Variants in WWOX observed in about 807,000 individuals in gnomAD.
The protein encoded by WWOX is WW domain-containing oxidoreductase.
Under a neutral mutation model 46.2 loss-of-function variants are expected in WWOX, and 69 were observed. The observed-to-expected ratio is 1.49, with a 90% CI of 1.23 to 1.82. The LOEUF is 1.82. Ranked by LOEUF, WWOX falls within the 40% of genes most tolerant of loss-of-function variation. The pLI is 0.00. For missense variants in WWOX, 919 were observed against 542.6 expected (o/e 1.69, Z -6.89); for synonymous variants, 359 against 202.6 (o/e 1.77, Z -6.56).
At chr16:79,140,310 A>C (rs149311728) in intron 8 of WWOX, among the ~76,000 whole-genome samples, 7 of 152,204 alleles carry the variant, frequency 4.6e-5, no homozygotes, top group Non-Finnish European at 1.0e-4. Flanking sequence ...GACTTGCTAC[A>C]TTCTTAGGCA....
At chr16:78,207,185 A>T (rs1416388894) in intron 5 of WWOX, among the ~76,000 whole-genome samples, 3 of 152,238 alleles carry the variant, frequency 2.0e-5, no homozygotes. Flanking sequence ...TGATGGTCTT[A>T]GTTACCCACA....
At chr16:78,849,435 C>G (rs982888203) in intron 8 of WWOX, among the ~76,000 whole-genome samples, 6 of 151,672 alleles carry the variant, frequency 4.0e-5, no homozygotes, top group East Asian at 2.0e-4. Context: ...TTAGCCAGGC[C>G]TGGTGGCGGG....
intron 5 of WWOX, among the ~76,000 whole-genome samples, chr16:78,164,733 G>C (rs950329251): frequency 6.6e-6 from 1 of 152,192 alleles, no homozygotes; most frequent in Non-Finnish European, 1.5e-5. Flanking sequence ...GCTTGCCTTA[G>C]TCTTGGGACC....
rs1055418166 is a variant in WWOX, at chr16:78,656,181, G to T, written c.1056+223429G>T. Reference sequence around the variant, plus strand: ...TTCTCATAACATTTGTGTGTGTGTGGGTGGGTGGGTGTGTGTGAAAGGTAG... The same window carrying T: ...TTCTCATAACATTTGTGTGTGTGTGTGTGGGTGGGTGTGTGTGAAAGGTAG... On this transcript the variant is annotated intron_variant, in intron 8 of 8. Coordinates refer to ENST00000566780, the MANE Select transcript of WWOX (RefSeq NM_016373.4). Among the ~76,000 whole-genome samples, 12 of 151,864 alleles carry T rather than the reference G, an allele frequency of 7.9e-5. No individual in the cohort carries two copies. The East Asian group carries it at 1.2e-3, about 15-fold the overall frequency.
intron 8 of WWOX, among the ~76,000 whole-genome samples, chr16:78,649,674 C>T (rs2046922550): frequency 6.6e-6 from 1 of 152,216 alleles, no homozygotes; most frequent in Non-Finnish European, 1.5e-5. Flanking sequence ...ACTCTGCCCC[C>T]TTTTGACCTC....
rs2045589062 is a variant in WWOX, at chr16:78,930,222, T to TTCCTTCCTTC, written c.1057-281386_1057-281385insTCCTTCCTTC. On this transcript the variant is annotated intron_variant, in intron 8 of 8. Coordinates refer to ENST00000566780, the MANE Select transcript of WWOX (RefSeq NM_016373.4). ...CTGGGGTGGATTATTTCAGGACCTT[T>TTCCTTCCTTC]CTTCCTTCCTTCCTTCCTTCCTTCC... 1.3e-4 allele frequency among the ~76,000 whole-genome samples: 14 copies of TTCCTTCCTTC among 104,998 alleles called. No homozygotes were observed. In the Middle Eastern group the frequency reaches 0.015, roughly 110 times the overall value. The allele number at this position is 104,998 out of a possible 152,430, so 68.9% of individuals were successfully genotyped here.
chr16:78,161,367 C>T (rs1012814955), intron 4 of WWOX, among the ~76,000 whole-genome samples: 3 of 151,730 alleles, frequency 2.0e-5, no homozygotes, highest in African/African-American at 7.3e-5. Context: ...TTCCTCTTTC[C>T]CTTATTTCTA....
chr16:78,153,306 C>T (rs1189942714), intron 4 of WWOX, among the ~76,000 whole-genome samples: 4 of 152,072 alleles, frequency 2.6e-5, no homozygotes, highest in African/African-American at 4.8e-5. Flanking sequence ...TCAAGATCAT[C>T]GTCAATGTCA....
At position 78,939,886 on chromosome 16, in the gene WWOX, T is replaced by C. The variant is rs374904064; in HGVS notation, c.1057-271722T>C. On this transcript the variant is annotated intron_variant, in intron 8 of 8. Transcript: ENST00000566780. Reference sequence around the variant, plus strand: ...GACGTGTGGACGTTGTTTTTGACATTTGTACATGCTTTTGCTCAAGTTGAA... The same window carrying C: ...GACGTGTGGACGTTGTTTTTGACATCTGTACATGCTTTTGCTCAAGTTGAA... Among the ~76,000 whole-genome samples, 171 of 152,322 alleles carry C rather than the reference T, an allele frequency of 1.1e-3. 6 individuals are homozygous for C. In the South Asian group the frequency reaches 0.034, roughly 31 times the overall value.
chr16:78,754,670 C>T (rs1005348995), intron 8 of WWOX, among the ~76,000 whole-genome samples: 2 of 152,108 alleles, frequency 1.3e-5, no homozygotes, highest in Non-Finnish European at 2.9e-5. Context: ...ACAGCCTTGA[C>T]ACAAATAAAG....
At chr16:78,995,589 AAGAG>A (rs939462411) in intron 8 of WWOX, among the ~76,000 whole-genome samples, 11 of 151,946 alleles carry the variant, frequency 7.2e-5, no homozygotes, top group African/African-American at 1.9e-4. Flanking sequence ...AAGAAAAAGA[AAGAG>A]AGAAAGAGAA....
chr16:78,361,180 C>T (rs999300242), intron 5 of WWOX, among the ~76,000 whole-genome samples: 11 of 152,014 alleles, frequency 7.2e-5, no homozygotes, highest in African/African-American at 2.4e-4. Context: ...ATCTTGAGAC[C>T]TTGATTTGTC....
intron 3 of WWOX, among the ~76,000 whole-genome samples, chr16:78,111,359 T>G (rs951399689): frequency 3.3e-5 from 5 of 152,194 alleles, no homozygotes; most frequent in Non-Finnish European, 1.5e-5. Flanking sequence ...TCATTAGCTT[T>G]TAATATTACT....
intron 8 of WWOX, among the ~76,000 whole-genome samples, chr16:78,952,892 A>G (rs565136393): frequency 1.3e-5 from 2 of 152,356 alleles, no homozygotes; most frequent in South Asian, 4.1e-4. Context: ...ATAATTCTAC[A>G]GAGAGAAACA....
chr16:78,490,809 C>G (rs1315808522), intron 8 of WWOX, among the ~76,000 whole-genome samples: 1 of 152,204 alleles, frequency 6.6e-6, no homozygotes, highest in East Asian at 1.9e-4. Flanking sequence ...CCAGGCAGAG[C>G]AGTCCGTTAC....
chr16:78,289,885 A>C (rs1386529302), intron 5 of WWOX, among the ~76,000 whole-genome samples: 1 of 152,104 alleles, frequency 6.6e-6, no homozygotes, highest in African/African-American at 2.4e-5. Context: ...TACATTGCAA[A>C]TTTAAGAATG....
At chr16:78,633,070 C>G (rs2046476126) in intron 8 of WWOX, among the ~76,000 whole-genome samples, 1 of 152,070 alleles carries the variant, frequency 6.6e-6, no homozygotes, top group Non-Finnish European at 1.5e-5. Context: ...TGAGAGCAAT[C>G]TGGCCAACAT....
At chr16:78,999,384 C>T (rs1013057646) in intron 8 of WWOX, among the ~76,000 whole-genome samples, 9 of 152,104 alleles carry the variant, frequency 5.9e-5, no homozygotes, top group South Asian at 2.1e-4. Context: ...GCAGGAGAAT[C>T]GCTTCAACCC....
rs1364351341 is a variant in WWOX, at chr16:78,474,760, G to C, written c.1056+42008G>C. 3.9e-5 allele frequency among the ~76,000 whole-genome samples: 6 copies of C among 152,106 alleles called. No individual in the cohort carries two copies. In the East Asian group the frequency reaches 1.2e-3, roughly 30 times the overall value. On this transcript the variant is annotated intron_variant, in intron 8 of 8. Coordinates refer to ENST00000566780, the MANE Select transcript of WWOX (RefSeq NM_016373.4). ...ACTTCAACTCTTCCCCAGCCTCTGCGAACCGCTAGTCTGCTCTTCATCTCC... is the reference window on the plus strand; with the variant it reads ...ACTTCAACTCTTCCCCAGCCTCTGCCAACCGCTAGTCTGCTCTTCATCTCC...
Sources: allele counts gnomAD v4.1 joint callset (sites outside exome capture counted in the v4.1 genomes callset), GRCh38; gene constraint gnomAD v4.1.1; transcripts MANE v1.5; gene names NCBI Gene and HGNC (gene_info 2026-07-23, HGNC 2026-07-21).